Variants in ARPC1A observed in about 807,000 individuals in gnomAD.
ARPC1A encodes actin related protein 2/3 complex subunit 1A, also known as actin-related protein 2/3 complex subunit 1A.
Under a neutral mutation model 46.9 loss-of-function variants are expected in ARPC1A, and 8 were observed. The ratio of observed to expected loss-of-function variants is 0.17; its 90% CI spans 0.10 to 0.31. The LOEUF (loss-of-function observed/expected upper bound fraction) is 0.31. ARPC1A is among the 10% of genes least tolerant of loss of function. ARPC1A has a pLI of 1.00. For missense variants in ARPC1A, 286 were observed against 483.6 expected, an observed-to-expected ratio of 0.59 and a Z score of 3.83; for synonymous variants, 152 against 169.0, an observed-to-expected ratio of 0.90 and a Z score of 0.78.
At position 99,365,918 on chromosome 7, in the gene ARPC1A, C is replaced by A; in HGVS notation, c.1102C>A (p.Arg368=). The stretch of plus-strand genomic sequence containing the variant: ...CCTCGAGTCTTCCATCCAGGGCCTC[C>A]GGATAATGTGAAGCTGAGTGAGCCT... ...KTLESSIQGL[R]IM is the part of the protein sequence containing the mutation. Residue 368 remains arginine (R), a synonymous_variant, in exon 10 of 10, where the codon CGG becomes AGG. Transcript: ENST00000262942. 6.4e-7 allele frequency: 1 copy of A among 1,574,464 alleles called. No homozygotes were observed. Among genetic ancestry groups the A allele is most frequent in the Non-Finnish European group, 8.6e-7 (1 of 1,157,980 alleles).
intron 3 of ARPC1A, among the ~76,000 whole-genome samples, chr7:99,342,726 T>TC (rs1289775917): frequency 2.1e-5 from 3 of 141,274 alleles, no homozygotes; most frequent in Non-Finnish European, 4.6e-5. Context: ...CTTTTTTTTT[T>TC]TTTTTTTTTT....
intron 1 of ARPC1A, among the ~76,000 whole-genome samples, chr7:99,327,197 T>C (rs1412313176): frequency 6.6e-6 from 1 of 152,038 alleles, no homozygotes; most frequent in African/African-American, 2.4e-5. Flanking sequence ...CTTCCTTTTT[T>C]TTTTTTTTCC....
chr7:99,346,375 C>T, intron 4 of ARPC1A, among the ~76,000 whole-genome samples: 1 of 152,172 alleles, frequency 6.6e-6, no homozygotes, highest in Admixed American at 6.5e-5. Flanking sequence ...CAAGGCTAAA[C>T]TTTATGTCAG....
At chr7:99,358,268 T>C in intron 6 of ARPC1A, 72 bp from the exon 7 acceptor site, 2 of 1,480,692 alleles carry the variant, frequency 1.4e-6, no homozygotes. Flanking sequence ...ATGGGTCCTT[T>C]GTGATCATCT....
At chr7:99,363,707 T>C (rs1793779332) in intron 9 of ARPC1A, 74 bp downstream of exon 9, 1 of 1,104,080 alleles carries the variant, frequency 9.1e-7, no homozygotes, top group Non-Finnish European at 1.3e-6. Flanking sequence ...ATAGGCTCCT[T>C]CTCTGTCACC....
Position 99,338,802 on chromosome 7 carries a change from C to T in ARPC1A, c.169+517C>T, listed in dbSNP as rs145524614. 5.0e-3 allele frequency among the ~76,000 whole-genome samples: 759 copies of T among 152,200 alleles called. 6 individuals carry two copies. The highest frequency in any genetic ancestry group is 0.018 in the African/African-American group (732 of 41,530). On this transcript the variant is annotated intron_variant, in intron 3 of 9. Transcript: ENST00000262942. ...CCCCAGCTGGTACCCAGCACTCTAC[C>T]GTTGCTATGGAAAGCACTGAACCTA...
At chr7:99,357,268 G>C (rs1168789293) in intron 6 of ARPC1A, among the ~76,000 whole-genome samples, 1 of 152,102 alleles carries the variant, frequency 6.6e-6, no homozygotes, top group Admixed American at 6.6e-5. Flanking sequence ...TAAAAGTCAG[G>C]TATACCGCAC....
rs755771767 is a variant in ARPC1A at position 99,363,580 on chromosome 7, C to T, written c.1021C>T (p.Arg341Cys). The T allele has an allele frequency of 1.7e-5, 28 of 1,613,126 alleles. No individual in the cohort carries two copies. Among genetic ancestry groups the T allele is most frequent in the Admixed American group, 5.0e-5 (3 of 59,820 alleles). ...SIYEVDKQDC[R>C]KFCTTGIDGA... ...TTATGAGGTGGACAAGCAAGATTGT[C>T]GCAAATTTTGCACTACTGGCATCGA... Residue 341 changes from arginine (R) to cysteine (C), a missense_variant, in exon 9 of 10, where the codon CGC (arginine) becomes TGC (cysteine). Around this residue, in one of 5 missense-constraint regions of ARPC1A, gnomAD observed 182 missense variants for 276.7 expected, o/e 0.66. Coordinates refer to ENST00000262942, the MANE Select transcript of ARPC1A (RefSeq NM_006409.4).
At chr7:99,340,574 C>G (rs1793342889) in intron 3 of ARPC1A, among the ~76,000 whole-genome samples, 1 of 152,176 alleles carries the variant, frequency 6.6e-6, no homozygotes, top group African/African-American at 2.4e-5. Flanking sequence ...TCCCCAGGAG[C>G]TGGTACTAAA....
chr7:99,328,873 C>T (rs1793097240), intron 1 of ARPC1A, among the ~76,000 whole-genome samples: 1 of 151,894 alleles, frequency 6.6e-6, no homozygotes, highest in Admixed American at 6.6e-5. Flanking sequence ...ATGGCTTGAC[C>T]CTGGGAAGCC....
Sources: allele counts gnomAD v4.1 joint callset (sites outside exome capture counted in the v4.1 genomes callset), GRCh38; gene constraint gnomAD v4.1.1; regional missense constraint gnomAD v4.1.1; transcripts MANE v1.5; gene names NCBI Gene and HGNC (gene_info 2026-07-23, HGNC 2026-07-21).